ADAMTSL1: variants seen among roughly 807,000 people sequenced by gnomAD.
The protein encoded by ADAMTSL1 is ADAMTS like 1.
Under a neutral mutation model 201.8 loss-of-function variants are expected in ADAMTSL1, and 126 were observed. The ratio of observed to expected loss-of-function variants is 0.62; its 90% confidence interval spans 0.54 to 0.72. The LOEUF (loss-of-function observed/expected upper bound fraction) is 0.72, where lower values mean the gene tolerates loss of function less well. Ranked by LOEUF, ADAMTSL1 falls within the 30% of genes least tolerant of loss-of-function variation. ADAMTSL1 has a pLI of 0.00. For synonymous variants in ADAMTSL1, 1,121 were observed against 903.4 expected, an observed-to-expected ratio of 1.24 and a Z score of -4.32; for missense variants, 2,679 against 2,277.8, an observed-to-expected ratio of 1.18 and a Z score of -3.59.
At chr9:18,009,722 G>A (rs1819974499) in intron 1 of ADAMTSL1, among the ~76,000 whole-genome samples, 1 of 151,934 alleles carries the variant, frequency 6.6e-6, no homozygotes, top group Non-Finnish European at 1.5e-5. Flanking sequence ...TAGAGGCATA[G>A]GCATTGGAAT....
chr9:18,845,089 G>T (rs62549155), intron 23 of ADAMTSL1, among the ~76,000 whole-genome samples: 7 of 152,010 alleles, frequency 4.6e-5, no homozygotes, highest in Admixed American at 1.3e-4. Flanking sequence ...AGATGAACCC[G>T]GTACCTCAGA....
chr9:18,359,719 A>C (rs1384500645), intron 2 of ADAMTSL1, among the ~76,000 whole-genome samples: 1 of 151,896 alleles, frequency 6.6e-6, no homozygotes, highest in African/African-American at 2.4e-5. Flanking sequence ...ATATGTATAC[A>C]GCCTGATTCA....
intron 1 of ADAMTSL1, among the ~76,000 whole-genome samples, chr9:18,503,421 G>GTGTATATACATATATATATATATATATA (rs376466829): frequency 3.5e-5 from 4 of 115,272 alleles, no homozygotes. Context: ...ATTCCATTGT[G>GTGTATATACATATATATATATATATATA]TATATATATA....
chr9:18,020,783 C>G (rs1253043651), intron 1 of ADAMTSL1, among the ~76,000 whole-genome samples: 38 of 152,124 alleles, frequency 2.5e-4, no homozygotes. Context: ...CTGTCTACCT[C>G]ATTGGTGCTC....
At chr9:18,716,323 T>C (rs1213499653) in intron 14 of ADAMTSL1, among the ~76,000 whole-genome samples, 1 of 151,444 alleles carries the variant, frequency 6.6e-6, no homozygotes, top group East Asian at 1.9e-4. Context: ...GGAGAAAATT[T>C]TCGCAACCTA....
chr9:18,422,667 C>T (rs1819013747), intron 2 of ADAMTSL1, among the ~76,000 whole-genome samples: 1 of 152,190 alleles, frequency 6.6e-6, no homozygotes, highest in Non-Finnish European at 1.5e-5. Flanking sequence ...AAAACTCACC[C>T]TTCAAGAGCC....
intron 2 of ADAMTSL1, among the ~76,000 whole-genome samples, chr9:18,354,147 C>T (rs1383944225): frequency 6.7e-6 from 1 of 149,126 alleles, no homozygotes; most frequent in Non-Finnish European, 1.5e-5. Context: ...GTGATATATC[C>T]CATACATCTG....
chr9:18,306,810 C>G (rs1833925614), intron 2 of ADAMTSL1, among the ~76,000 whole-genome samples: 1 of 152,168 alleles, frequency 6.6e-6, no homozygotes, highest in African/African-American at 2.4e-5. Context: ...CCTAGCAAGA[C>G]AGGCCAACAT....
chr9:18,404,269 G>A (rs1035609228), intron 2 of ADAMTSL1, among the ~76,000 whole-genome samples: 4 of 151,844 alleles, frequency 2.6e-5, no homozygotes, highest in Non-Finnish European at 5.9e-5. Context: ...CAATTTATTG[G>A]GCATGATTAA....
At chr9:17,982,470 G>A (rs1818745049) in intron 1 of ADAMTSL1, among the ~76,000 whole-genome samples, 1 of 152,070 alleles carries the variant, frequency 6.6e-6, no homozygotes, top group Admixed American at 6.5e-5. Context: ...AAATTAGCTG[G>A]TCGTGGTGGT....
chr9:18,678,457 C>G (rs1830251230), intron 10 of ADAMTSL1, among the ~76,000 whole-genome samples: 2 of 152,106 alleles, frequency 1.3e-5, no homozygotes, highest in Admixed American at 1.3e-4. Context: ...ACGCATAGAA[C>G]TGTAGTTGTA....
intron 2 of ADAMTSL1, among the ~76,000 whole-genome samples, chr9:18,249,957 T>G (rs569540404): frequency 1.1e-4 from 17 of 152,286 alleles, no homozygotes; most frequent in African/African-American, 4.1e-4. Flanking sequence ...ACTATGAGAC[T>G]CCTCAAAAAT....
chr9:18,069,418 T>C (rs1178418475), intron 1 of ADAMTSL1, among the ~76,000 whole-genome samples: 1 of 152,160 alleles, frequency 6.6e-6, no homozygotes, highest in Non-Finnish European at 1.5e-5. Context: ...CATACATACA[T>C]ACATACACAT....
chr9:18,289,135 G>GTCTATCTA (rs10622385), intron 2 of ADAMTSL1, among the ~76,000 whole-genome samples: 6,387 of 145,250 alleles, frequency 0.044, 155 homozygotes, highest in East Asian at 0.059. Context: ...ATATATGTCT[G>GTCTATCTA]TCTATCTATC....
At chr9:18,330,564 G>A (rs188985959) in intron 2 of ADAMTSL1, among the ~76,000 whole-genome samples, 90 of 152,148 alleles carry the variant, frequency 5.9e-4, no homozygotes, top group African/African-American at 2.1e-3. Flanking sequence ...TTCATTTGTT[G>A]TATGCCAAGT....
intron 15 of ADAMTSL1, among the ~76,000 whole-genome samples, chr9:18,733,554 A>G (rs138043156): frequency 2.8e-4 from 42 of 152,276 alleles, no homozygotes; most frequent in African/African-American, 9.9e-4. Context: ...GAAGCTTTGT[A>G]TCTTTGTTCT....
intron 26 of ADAMTSL1, among the ~76,000 whole-genome samples, 186 bp downstream of exon 26, chr9:18,892,782 G>A (rs191648811): frequency 1.3e-5 from 2 of 152,112 alleles, no homozygotes; most frequent in Non-Finnish European, 2.9e-5. Flanking sequence ...AATTCTTTGT[G>A]TAATTCTATG....
intron 2 of ADAMTSL1, among the ~76,000 whole-genome samples, chr9:18,240,967 G>A (rs866109645): frequency 1.3e-5 from 2 of 152,154 alleles, no homozygotes; most frequent in Non-Finnish European, 2.9e-5. Flanking sequence ...GAGAGTTAGG[G>A]CCTTGCTCTG....
rs1563974352 is a variant in ADAMTSL1, at chr9:18,461,071, A to G, written c.208-43758A>G. Among the ~76,000 whole-genome samples the G allele has an allele frequency of 1.3e-5, 2 of 152,156 alleles. 1 individual carries two copies. The highest frequency in any genetic ancestry group is 4.1e-4 in the South Asian group (2 of 4,834). ...GTAACTTTTAAAGAAAATCCTGATT[A>G]TTTTTCCACACCTCATTTTTAAAGG... On this transcript the variant is annotated intron_variant, in intron 2 of 29. Coordinates refer to the ADAMTSL1 transcript ENST00000680146.
Sources: gnomAD v4.1 joint callset for allele counts (sites outside exome capture counted in the v4.1 genomes callset) on GRCh38, gnomAD v4.1.1 for gene constraint, MANE v1.5 for transcripts, NCBI Gene and HGNC (gene_info 2026-07-23, HGNC 2026-07-21) for gene names.